Variants in RNF133 observed in about 807,000 individuals in gnomAD.
RNF133 encodes the protein ring finger protein 133.
For missense variants in RNF133, 469 were observed against 450.5 expected (o/e 1.04, Z -0.37); for synonymous variants, 153 against 152.1 (o/e 1.01, Z -0.04).
rs779000613 is a variant in RNF133, at chr7:122,697,976, C to G, written c.943G>C (p.Glu315Gln). Residue 315 changes from glutamate to glutamine, a missense_variant, in exon 1 of 1, where the codon GAA becomes CAA. Physicochemically the swap from Glu to Gln is conservative, Grantham distance 29. Transcript: ENST00000340112. Reference sequence around the variant, plus strand: ...TTTGACATTAGAACTTGCAAAGGTTCTGTTCCATTTTCAACAACCACTTGA... The same window carrying G: ...TTTGACATTAGAACTTGCAAAGGTTGTGTTCCATTTTCAACAACCACTTGA... ...GIQVVVENGTEPLQVLMSNEL... is the reference protein window; with the variant it reads ...GIQVVVENGTQPLQVLMSNEL... The G allele has an allele frequency of 6.2e-7, 1 of 1,613,598 alleles. No homozygotes were observed. Among genetic ancestry groups the G allele is most frequent in the East Asian group, 2.2e-5 (1 of 44,870 alleles).
At position 122,698,950 on chromosome 7, in the gene RNF133, C is replaced by G. The variant is rs773030210; in HGVS notation, c.-32G>C. 37 of 1,469,282 alleles carry G rather than the reference C, an allele frequency of 2.5e-5. No individual in the cohort carries two copies. The highest frequency in any genetic ancestry group is 3.4e-5 in the Non-Finnish European group (37 of 1,091,988). 91.0% of individuals were successfully genotyped at this position (1,469,282 alleles called of 1,614,324 possible). On this transcript the variant is annotated 5_prime_UTR_variant, in exon 1 of 1. Transcript: ENST00000340112. The stretch of plus-strand genomic sequence containing the variant: ...CTTCTCCGAGTGACTTAAGAACCAA[C>G]CTAACAGTTGCACATCTGTTGACAA...
rs2085620690 is a variant in RNF133 at position 122,699,071 on chromosome 7, T to C, written c.-153A>G. On this transcript the variant is annotated 5_prime_UTR_variant, in exon 1 of 1. It adds an upstream start codon to the 5' untranslated region. Transcript: ENST00000340112. ...TTGTAAGAAATTCTTAAAGATGGCTTATGAGTTTCAGATGTCTTACTAGAG... is the reference window on the plus strand; with the variant it reads ...TTGTAAGAAATTCTTAAAGATGGCTCATGAGTTTCAGATGTCTTACTAGAG... 1 of 606,098 alleles carries C rather than the reference T, an allele frequency of 1.6e-6. No individual in the cohort carries two copies. The highest frequency in any genetic ancestry group is 2.9e-5 in the East Asian group (1 of 34,840). 37.5% of individuals were successfully genotyped at this position (606,098 alleles called of 1,614,324 possible).
chr7:122,698,631 C>T lies in RNF133; in HGVS notation c.288G>A (p.Lys96=), dbSNP rs1207326277. The T allele has an allele frequency of 1.9e-6, 3 of 1,613,952 alleles. No individual in the cohort carries two copies. The highest frequency in any genetic ancestry group is 3.3e-5 in the Admixed American group (2 of 60,002). The part of the protein sequence containing the change: ...CNPNTIFSRS[K]YSETWLALIE... The stretch of plus-strand genomic sequence containing the variant: ...TAAGTGCAAGCCAGGTCTCTGAGTA[C>T]TTTGATCGGCTGAAAATGGTATTGG... Residue 96 remains lysine, a synonymous_variant, in exon 1 of 1, where the codon AAG becomes AAA. Coordinates refer to ENST00000340112, the MANE Select transcript of RNF133 (RefSeq NM_139175.2).
rs1395531406 is a variant in RNF133 at position 122,698,735 on chromosome 7, A to T, written c.184T>A (p.Phe62Ile). Residue 62 changes from phenylalanine to isoleucine, a missense_variant, in exon 1 of 1, where the codon TTT (phenylalanine) becomes ATT (isoleucine). Phe to Ile is a conservative substitution (Grantham distance 21, BLOSUM62 0). Coordinates refer to ENST00000340112, the MANE Select transcript of RNF133 (RefSeq NM_139175.2). ...VLSELGETGV[F>I]GRSSTLKRVA... ...CTCTTCAAAGTGGAGCTTCTTCCAA[A>T]GACTCCAGTCTCTCCCAACTCTGAC... is the stretch of plus-strand genomic sequence containing the variant. 2 of 1,613,792 alleles carry T rather than the reference A, an allele frequency of 1.2e-6. No individual in the cohort carries two copies. Among genetic ancestry groups the T allele is most frequent in the Middle Eastern group, 1.7e-4 (1 of 6,056 alleles).
Position 122,697,736 on chromosome 7 carries a change from T to G in RNF133, c.*52A>C. On this transcript the variant is annotated 3_prime_UTR_variant, in exon 1 of 1. Transcript: ENST00000340112. ...AAACAGACAAACTGCTTGTCAGTATTAGGACCTGATTTCACATACAGGTTT... is the reference window on the plus strand; with the variant it reads ...AAACAGACAAACTGCTTGTCAGTATGAGGACCTGATTTCACATACAGGTTT... 7.3e-7 allele frequency: 1 copy of G among 1,361,704 alleles called. No individual in the cohort carries two copies. The highest frequency in any genetic ancestry group is 1.5e-5 in the African/African-American group (1 of 68,628). The allele number at this position is 1,361,704 out of a possible 1,614,324, so 84.4% of individuals were successfully genotyped here. A position where few individuals can be genotyped will look rare whatever the true frequency, so the allele number is the denominator to read the frequency against.
Position 122,697,900 on chromosome 7 carries a change from A to G in RNF133, c.1019T>C (p.Val340Ala), listed in dbSNP as rs763630604. 1 of 1,613,850 alleles carries G rather than the reference A, an allele frequency of 6.2e-7. No homozygotes were observed. Among genetic ancestry groups the G allele is most frequent in the African/African-American group, 1.3e-5 (1 of 75,024 alleles). ...SPSEEETNNEVSPAGTSDKVI... is the reference protein window; with the variant it reads ...SPSEEETNNEASPAGTSDKVI... ...TTTATCTGAGGTTCCTGCAGGAGAA[A>G]CTTCATTATTTGTCTCCTCTTCACT... The change falls in exon 1 of 1, where the codon GTT becomes GCT. Residue 340 changes from valine to alanine, a missense_variant. Coordinates refer to ENST00000340112, the MANE Select transcript of RNF133 (RefSeq NM_139175.2).
Position 122,698,110 on chromosome 7 carries a change from C to A in RNF133, c.809G>T (p.Arg270Leu). 6.2e-7 allele frequency: 1 copy of A among 1,613,910 alleles called. No individual in the cohort carries two copies. The highest frequency in any genetic ancestry group is 8.5e-7 in the Non-Finnish European group (1 of 1,179,844). ...GAAAAAATGTTTACAAGTCAGAATA[C>A]GAACTATGTCATTAGGCTTATAGCG... The part of the protein sequence containing the change: ...FERYKPNDIV[R>L]ILTCKHFFHK... Residue 270 changes from arginine to leucine, a missense_variant, in exon 1 of 1, where the codon CGT becomes CTT. Transcript: ENST00000340112.
rs1564097121 is a variant in RNF133, at chr7:122,698,746, T to C, written c.173A>G (p.Glu58Gly). The change falls in exon 1 of 1, where the codon GAG (glutamate) becomes GGG (glycine). Residue 58 changes from glutamate to glycine, a missense_variant. By Grantham distance (98) the Glu-to-Gly change is moderately conservative. Transcript: ENST00000340112. ...GGAGCTTCTTCCAAAGACTCCAGTC[T>C]CTCCCAACTCTGACAACACATGATT... ...VGNHVLSELGETGVFGRSSTL... is the reference protein window; with the variant it reads ...VGNHVLSELGGTGVFGRSSTL... 6.2e-7 allele frequency: 1 copy of C among 1,613,792 alleles called. No individual in the cohort carries two copies. The highest frequency in any genetic ancestry group is 8.5e-7 in the Non-Finnish European group (1 of 1,179,846).
Position 122,698,964 on chromosome 7 carries a change from ATC to A in RNF133, c.-48_-47del, listed in dbSNP as rs2085602698. On this transcript the variant is annotated 5_prime_UTR_variant, in exon 1 of 1. It adds an upstream start codon to the 5' untranslated region. Transcript: ENST00000340112. ...TTAAGAACCAACCTAACAGTTGCAC[ATC>A]TGTTGACAATTAATTTAAAATAACG... 1 of 1,299,878 alleles carries A rather than the reference ATC, an allele frequency of 7.7e-7. No individual in the cohort carries two copies. Among genetic ancestry groups the A allele is most frequent in the Admixed American group, 2.5e-5 (1 of 40,148 alleles). 80.5% of individuals were successfully genotyped at this position (1,299,878 alleles called of 1,614,324 possible).
Position 122,698,235 on chromosome 7 carries a change from T to C in RNF133, c.684A>G (p.Thr228=), listed in dbSNP as rs1379540402. Residue 228 remains threonine, a synonymous_variant, in exon 1 of 1, where the codon ACA becomes ACG. Coordinates refer to ENST00000340112, the MANE Select transcript of RNF133 (RefSeq NM_139175.2). ...GTTGTCCAAATGTGTTCTGAAGATCTGTTGTTAATCGCTGCCATCTCCGGT... is the reference window on the plus strand; with the variant it reads ...GTTGTCCAAATGTGTTCTGAAGATCCGTTGTTAATCGCTGCCATCTCCGGT... ...IQNRRWQRLT[T]DLQNTFGQLQ... 1 of 1,614,008 alleles carries C rather than the reference T, an allele frequency of 6.2e-7. No homozygotes were observed. The highest frequency in any genetic ancestry group is 8.5e-7 in the Non-Finnish European group (1 of 1,179,922).
chr7:122,698,628 G>A lies in RNF133; in HGVS notation c.291C>T (p.Tyr97=), dbSNP rs1333344466. The A allele has an allele frequency of 1.2e-6, 2 of 1,613,914 alleles. No individual in the cohort carries two copies. The highest frequency in any genetic ancestry group is 1.7e-6 in the Non-Finnish European group (2 of 1,179,948). Residue 97 remains tyrosine (Y), a synonymous_variant, in exon 1 of 1, where the codon TAC becomes TAT. Coordinates refer to ENST00000340112, the MANE Select transcript of RNF133 (RefSeq NM_139175.2). ...NPNTIFSRSK[Y]SETWLALIER... is the part of the protein sequence containing the mutation. ...CAATAAGTGCAAGCCAGGTCTCTGA[G>A]TACTTTGATCGGCTGAAAATGGTAT...
In RNF133 at chr7:122,699,111, T is replaced by G. The variant is rs2085628344; in HGVS notation, c.-193A>C. 2 of 544,684 alleles carry G rather than the reference T, an allele frequency of 3.7e-6. No homozygotes were observed. The highest frequency in any genetic ancestry group is 6.1e-5 in the East Asian group (2 of 32,804). The allele number at this position is 544,684 out of a possible 1,614,324, so 33.7% of individuals were successfully genotyped here. A position where few individuals can be genotyped will look rare whatever the true frequency, so the allele number is the denominator to read the frequency against. On this transcript the variant is annotated 5_prime_UTR_variant, in exon 1 of 1. Coordinates refer to ENST00000340112, the MANE Select transcript of RNF133 (RefSeq NM_139175.2). ...TCTTACTAGAGAGAGGTGAAAAACT[T>G]TAGATTGAAAAATAAATCCCCTACT...
In RNF133 at chr7:122,698,581, G is replaced by GT. The variant is rs1249303754; in HGVS notation, c.337dup (p.Thr113AsnfsTer5). 18 of 1,613,878 alleles carry GT rather than the reference G, an allele frequency of 1.1e-5. No individual in the cohort carries two copies. The highest frequency in any genetic ancestry group is 1.4e-5 in the Non-Finnish European group (16 of 1,179,938). Reference sequence around the variant, plus strand: ...CTCAGTTGCCACTTTAATTTTCTGTGTGAAGGTACAACCTCCCCGTTCAAT... The same window carrying GT: ...CTCAGTTGCCACTTTAATTTTCTGTGTTGAAGGTACAACCTCCCCGTTCAAT... On this transcript the variant is annotated frameshift_variant, in exon 1 of 1. Transcript: ENST00000340112. LOFTEE classifies it low-confidence loss of function (END_TRUNC).
chr7:122,697,857 C>A lies in RNF133; in HGVS notation c.1062G>T (p.Glu354Asp), dbSNP rs773843531. 2.5e-6 allele frequency: 4 copies of A among 1,612,438 alleles called. No homozygotes were observed. The African/African-American group carries it at 5.3e-5, about 22-fold the overall frequency. The change falls in exon 1 of 1, where the codon GAG becomes GAT. Residue 354 changes from glutamate to aspartate, a missense_variant. Physicochemically the swap from Glu to Asp is conservative, Grantham distance 45. Transcript: ENST00000340112. ...TGTCATTATTCTGAGAAGTAGGGTT[C>A]TCCTCCACATGGATTACTTTATCTG... ...GTSDKVIHVE[E>D]NPTSQNNDIQ...
Position 122,699,032 on chromosome 7 carries a change from C to T in RNF133, c.-114G>A, listed in dbSNP as rs2085615188. 5.9e-5 allele frequency: 42 copies of T among 707,258 alleles called. No individual in the cohort carries two copies. In the South Asian group the frequency reaches 9.2e-4, roughly 15 times the overall value. 43.8% of individuals were successfully genotyped at this position (707,258 alleles called of 1,614,324 possible). ...TCAGGATACAAACAAGATCCACTGT[C>T]TTCCAGCATGTTTTTGTAAGAAATT... On this transcript the variant is annotated 5_prime_UTR_variant, in exon 1 of 1. Coordinates refer to ENST00000340112, the MANE Select transcript of RNF133 (RefSeq NM_139175.2).
rs2085514020 is a variant in RNF133, at chr7:122,698,568, TTTAA to T, written c.347_350del (p.Ile116LysfsTer11). On this transcript the variant is annotated frameshift_variant, in exon 1 of 1. Transcript: ENST00000340112. LOFTEE classifies it low-confidence loss of function (END_TRUNC). ...CACTGGCTCCCTTCTCAGTTGCCAC[TTTAA>T]TTTTCTGTGTGAAGGTACAACCTCC... The T allele has an allele frequency of 7.4e-6, 12 of 1,613,978 alleles. No homozygotes were observed. The highest frequency in any genetic ancestry group is 1.7e-5 in the Admixed American group (1 of 59,990).
rs772242836 is a variant in RNF133, at chr7:122,698,448, G to T, written c.471C>A (p.Asn157Lys). 12 of 1,613,834 alleles carry T rather than the reference G, an allele frequency of 7.4e-6. No individual in the cohort carries two copies. Among genetic ancestry groups the T allele is most frequent in the East Asian group, 6.7e-5 (3 of 44,890 alleles). The change falls in exon 1 of 1, where the codon AAC becomes AAA. Residue 157 changes from asparagine to lysine, a missense_variant. Asn to Lys is a moderately conservative substitution (Grantham distance 94). Coordinates refer to ENST00000340112, the MANE Select transcript of RNF133 (RefSeq NM_139175.2). ...AATGGAAAATTTCCGTGCCTTTTAAGTTACCAATCATAACCACAACGACAT... is the reference window on the plus strand; with the variant it reads ...AATGGAAAATTTCCGTGCCTTTTAATTTACCAATCATAACCACAACGACAT... ...FEDVVVVMIGNLKGTEIFHLI... is the reference protein window; with the variant it reads ...FEDVVVVMIGKLKGTEIFHLI...
rs1025566256 is a variant in RNF133 at position 122,699,062 on chromosome 7, A to C, written c.-144T>G. The C allele has an allele frequency of 1.6e-6, 1 of 618,496 alleles. No individual in the cohort carries two copies. Among genetic ancestry groups the C allele is most frequent in the African/African-American group, 1.9e-5 (1 of 53,824 alleles). The allele number at this position is 618,496 out of a possible 1,614,324, so 38.3% of individuals were successfully genotyped here. On this transcript the variant is annotated 5_prime_UTR_variant, in exon 1 of 1. Coordinates refer to ENST00000340112, the MANE Select transcript of RNF133 (RefSeq NM_139175.2). ...AGCATGTTTTTGTAAGAAATTCTTA[A>C]AGATGGCTTATGAGTTTCAGATGTC...
rs137930197 is a variant in RNF133, at chr7:122,698,784, T to C, written c.135A>G (p.Ser45=). The change falls in exon 1 of 1, where the codon TCA becomes TCG. Residue 45 remains serine, a synonymous_variant. Coordinates refer to ENST00000340112, the MANE Select transcript of RNF133 (RefSeq NM_139175.2). The part of the protein sequence containing the change: ...SVVWMAYMNI[S]FHVGNHVLSE... ...ACAACACATGATTCCCAACATGAAA[T>C]GATATGTTCATATAAGCCATCCAAA... is the stretch of plus-strand genomic sequence containing the variant. The C allele has an allele frequency of 3.7e-6, 6 of 1,613,806 alleles. No homozygotes were observed. The African/African-American group carries it at 5.3e-5, about 14-fold the overall frequency.
Sources: gnomAD v4.1 joint callset for allele counts on GRCh38, gnomAD v4.1.1 for gene constraint, MANE v1.5 for transcripts, NCBI Gene and HGNC (gene_info 2026-07-23, HGNC 2026-07-21) for gene names.